MARCHF1: variants seen among roughly 807,000 people sequenced by gnomAD.
MARCHF1 encodes membrane associated ring-CH-type finger 1.
Under a neutral mutation model 54.2 loss-of-function variants are expected in MARCHF1, and 40 were observed. The ratio of observed to expected loss-of-function variants is 0.74; its 90% CI spans 0.57 to 0.96. The LOEUF (loss-of-function observed/expected upper bound fraction) is 0.96, where lower values mean the gene tolerates loss of function less well. MARCHF1 is among the 40% of genes least tolerant of loss of function. The probability of loss-of-function intolerance (pLI) is 0.00; values close to 1 mark genes in which losing one functional copy is unlikely to be tolerated. For missense variants in MARCHF1, 586 were observed against 656.5 expected (o/e 0.89, Z 1.17); for synonymous variants, 236 against 236.3 (o/e 1.00, Z 0.01).
intron 5 of MARCHF1, among the ~76,000 whole-genome samples, chr4:163,666,804 T>C (rs1241118003): frequency 6.6e-6 from 1 of 152,072 alleles, no homozygotes; most frequent in Non-Finnish European, 1.5e-5. Flanking sequence ...TAAAATGTAA[T>C]TTAAAAACAA....
intron 7 of MARCHF1, 43 bp from the exon 8 acceptor site, chr4:163,585,972 C>T (rs1190096446): frequency 2.0e-6 from 3 of 1,529,218 alleles, no homozygotes; most frequent in Non-Finnish European, 2.6e-6. Flanking sequence ...TCCCAGAGAA[C>T]ATTTCTCGCC....
At chr4:163,897,795 G>T (rs981831096) in intron 3 of MARCHF1, among the ~76,000 whole-genome samples, 1 of 151,952 alleles carries the variant, frequency 6.6e-6, no homozygotes, top group African/African-American at 2.4e-5. Flanking sequence ...GGTGGCTCAC[G>T]CCTATAATCC....
intron 1 of MARCHF1, among the ~76,000 whole-genome samples, chr4:164,271,020 T>C (rs1733733412): frequency 6.6e-6 from 1 of 152,104 alleles, no homozygotes; most frequent in Non-Finnish European, 1.5e-5. Flanking sequence ...AAAAATAGAC[T>C]AGTGGAATAA....
At chr4:164,188,482 G>T in intron 1 of MARCHF1, 1 of 670,246 alleles carries the variant, frequency 1.5e-6, no homozygotes, top group Non-Finnish European at 2.8e-6. Context: ...GCGTCGACCT[G>T]GGGACCACCT....
intron 4 of MARCHF1, among the ~76,000 whole-genome samples, chr4:163,707,759 C>T (rs1744989876): frequency 1.6e-5 from 2 of 123,722 alleles, no homozygotes; most frequent in Non-Finnish European, 3.3e-5. Flanking sequence ...TGAATGAGGA[C>T]ACTTAATATA....
At chr4:163,730,728 G>T (rs542384721) in intron 4 of MARCHF1, among the ~76,000 whole-genome samples, 2 of 152,198 alleles carry the variant, frequency 1.3e-5, no homozygotes, top group East Asian at 3.9e-4. Flanking sequence ...TCAGCCTGAA[G>T]AGTAAGCTAA....
rs539473591 is a variant in MARCHF1 at position 163,901,784 on chromosome 4, C to T, written c.-38-47615G>A. On this transcript the variant is annotated intron_variant, in intron 3 of 9. Coordinates refer to ENST00000514618, the MANE Select transcript of MARCHF1 (RefSeq NM_001394959.1). ...AACAACCAAGGCATCTATAATCTCC[C>T]CTTTTATCCTATCTACTGAAGCACT... 9.9e-5 allele frequency among the ~76,000 whole-genome samples: 15 copies of T among 152,230 alleles called. 1 individual carries two copies. In the East Asian group the frequency reaches 1.2e-3, roughly 12 times the overall value.
At chr4:164,019,793 A>G (rs917231221) in intron 2 of MARCHF1, among the ~76,000 whole-genome samples, 1 of 152,310 alleles carries the variant, frequency 6.6e-6, no homozygotes, top group East Asian at 1.9e-4. Context: ...TCTTAAAACA[A>G]TCCCTTATTT....
At chr4:163,845,589 CTA>C (rs981197837) in intron 4 of MARCHF1, among the ~76,000 whole-genome samples, 1 of 151,870 alleles carries the variant, frequency 6.6e-6, no homozygotes, top group Non-Finnish European at 1.5e-5. Flanking sequence ...GTTCTAAACA[CTA>C]TACACACATA....
chr4:164,083,670 A>G (rs1036703463), intron 2 of MARCHF1, among the ~76,000 whole-genome samples: 4 of 152,160 alleles, frequency 2.6e-5, no homozygotes, highest in African/African-American at 9.6e-5. Flanking sequence ...CATCTTGGTT[A>G]GATCTTTGAA....
chr4:163,874,166 A>C (rs1750239643), intron 3 of MARCHF1, among the ~76,000 whole-genome samples: 2 of 152,358 alleles, frequency 1.3e-5, no homozygotes, highest in South Asian at 4.1e-4. Context: ...ATGATATCCC[A>C]AATATTTAAC....
chr4:163,940,592 T>A (rs185650040), intron 3 of MARCHF1, among the ~76,000 whole-genome samples: 3 of 152,178 alleles, frequency 2.0e-5, no homozygotes, highest in Admixed American at 6.5e-5. Flanking sequence ...AGGTGTAACA[T>A]CAAAAGCTCA....
intron 3 of MARCHF1, among the ~76,000 whole-genome samples, chr4:163,886,558 T>A (rs974117242): frequency 2.6e-5 from 4 of 151,872 alleles, no homozygotes; most frequent in African/African-American, 9.7e-5. Context: ...TGCAATAGAA[T>A]AAGCAGAGAA....
intron 1 of MARCHF1, among the ~76,000 whole-genome samples, chr4:164,198,898 T>C (rs1731359988): frequency 6.6e-6 from 1 of 152,148 alleles, no homozygotes; most frequent in Non-Finnish European, 1.5e-5. Context: ...ATATGAGCAA[T>C]AGATTCAAAA....
chr4:163,918,854 T>C (rs1159002770), intron 3 of MARCHF1, among the ~76,000 whole-genome samples: 1 of 152,100 alleles, frequency 6.6e-6, no homozygotes, highest in African/African-American at 2.4e-5. Flanking sequence ...TCTGCATCAA[T>C]TTAATATGTT....
intron 2 of MARCHF1, among the ~76,000 whole-genome samples, chr4:163,997,419 A>G (rs7692484): frequency 0.027 from 4,106 of 152,120 alleles, 76 homozygotes; most frequent in Non-Finnish European, 0.044. Flanking sequence ...AAGAAAGATA[A>G]TTATGACAAT....
chr4:163,936,237 T>C (rs974805889), intron 3 of MARCHF1, among the ~76,000 whole-genome samples: 9 of 151,992 alleles, frequency 5.9e-5, no homozygotes, highest in African/African-American at 1.9e-4. Flanking sequence ...AATATAATAA[T>C]GATGAAAAAG....
At chr4:163,716,395 G>A (rs996848500) in intron 4 of MARCHF1, among the ~76,000 whole-genome samples, 1 of 152,168 alleles carries the variant, frequency 6.6e-6, no homozygotes, top group Non-Finnish European at 1.5e-5. Flanking sequence ...CTTTCCAGAT[G>A]AAAATACTGA....
chr4:164,065,694 T>C (rs1194871829), intron 2 of MARCHF1, among the ~76,000 whole-genome samples: 3 of 152,172 alleles, frequency 2.0e-5, no homozygotes, highest in African/African-American at 7.2e-5. Context: ...AGTGACTCCA[T>C]TTGAGTCCAA....
Sources: gnomAD v4.1 joint callset for allele counts (sites outside exome capture counted in the v4.1 genomes callset) on GRCh38, gnomAD v4.1.1 for gene constraint, MANE v1.5 for transcripts, NCBI Gene and HGNC (gene_info 2026-07-23, HGNC 2026-07-21) for gene names.